Variants in LPO observed in about 807,000 individuals in gnomAD.
The protein encoded by LPO is salivary peroxidase.
In LPO, 70 loss-of-function variants were observed where a neutral mutation model predicts 68.4. The ratio of observed to expected loss-of-function variants is 1.02; its 90% CI spans 0.84 to 1.25. The LOEUF (loss-of-function observed/expected upper bound fraction) is 1.25. Ranked by LOEUF, LPO falls within the 50% of genes most tolerant of loss-of-function variation. LPO has a pLI of 0.00. For synonymous variants in LPO, 360 were observed against 357.6 expected, an observed-to-expected ratio of 1.01 and a Z score of -0.08; for missense variants, 873 against 908.4, an observed-to-expected ratio of 0.96 and a Z score of 0.50.
Position 58,253,678 on chromosome 17 carries a change from C to T in LPO, c.1106-1133C>T, listed in dbSNP as rs369538295. Among the ~76,000 whole-genome samples, 239 of 152,320 alleles carry T rather than the reference C, an allele frequency of 1.6e-3. 2 individuals are homozygous for T. The highest frequency in any genetic ancestry group is 5.5e-3 in the African/African-American group (228 of 41,562). ...CTGGCCACCCTGACATTGCAGAAGGCCAGCTCTTAGGCCAAGATACCTTTA... is the reference window on the plus strand; with the variant it reads ...CTGGCCACCCTGACATTGCAGAAGGTCAGCTCTTAGGCCAAGATACCTTTA... On this transcript the variant is annotated intron_variant, in intron 8 of 12. Transcript: ENST00000262290.
At chr17:58,244,163 G>A (rs1969812624) in intron 3 of LPO, 82 bp downstream of exon 3, 2 of 1,145,898 alleles carry the variant, frequency 1.7e-6, no homozygotes, top group African/African-American at 1.6e-5. Context: ...TTCATGACAA[G>A]CACATCTAGG....
chr17:58,242,117 G>A (rs999322752), intron 1 of LPO, among the ~76,000 whole-genome samples: 2 of 152,208 alleles, frequency 1.3e-5, no homozygotes, highest in Non-Finnish European at 2.9e-5. Flanking sequence ...CCATCTGCAC[G>A]CTGTGGCTGC....
chr17:58,252,611 G>A lies in LPO; in HGVS notation c.1105+105G>A, dbSNP rs8178344. ...ATCTTTCTGGAAAAATGCACACTGA[G>A]CCATTGCTGTCCCTAGCAGTGGTCC... On this transcript the variant is annotated intron_variant, in intron 8 of 12. Transcript: ENST00000262290. 4.3e-5 allele frequency: 49 copies of A among 1,133,596 alleles called. No homozygotes were observed. In the African/African-American group the frequency reaches 5.7e-4, roughly 13 times the overall value. The allele number at this position is 1,133,596 out of a possible 1,614,324, so 70.2% of individuals were successfully genotyped here.
chr17:58,249,493 C>T lies in LPO; in HGVS notation c.444-73C>T. The T allele has an allele frequency of 1.9e-6, 3 of 1,542,114 alleles. No individual in the cohort carries two copies. In the South Asian group the frequency reaches 3.6e-5, roughly 19 times the overall value. ...CTCCGCCTCGAGCAGAGGCTCCTTC[C>T]CCCATGGGGTCCTGGGCTTTGGAGC... On this transcript the variant is annotated intron_variant, in intron 5 of 12. Transcript: ENST00000262290.
intron 2 of LPO, 51 bp downstream of exon 2, chr17:58,243,106 C>A: frequency 2.6e-6 from 4 of 1,537,504 alleles, no homozygotes; most frequent in Non-Finnish European, 3.6e-6. Flanking sequence ...CAAAGCACAC[C>A]AACTGGATGG....
At chr17:58,247,416 A>G in intron 3 of LPO, 62 bp from the exon 4 acceptor site, 1 of 1,135,654 alleles carries the variant, frequency 8.8e-7, no homozygotes, top group Non-Finnish European at 1.3e-6. Flanking sequence ...CCACCCCTCC[A>G]GCGGCCCCCA....
At chr17:58,252,110 G>A (rs1969968509) in intron 7 of LPO, 72 bp from the exon 8 acceptor site, 5 of 1,418,264 alleles carry the variant, frequency 3.5e-6, no homozygotes, top group Non-Finnish European at 4.9e-6. Flanking sequence ...ATCCAGACTT[G>A]CCCTGGGGAG....
intron 3 of LPO, 164 bp downstream of exon 3, chr17:58,244,245 A>C (rs1969813534): frequency 1.6e-6 from 1 of 630,138 alleles, no homozygotes; most frequent in Non-Finnish European, 2.9e-6. Flanking sequence ...CTCCAAGTAC[A>C]TGACAAGTAG....
intron 4 of LPO, 72 bp from the exon 5 acceptor site, chr17:58,248,988 C>T: frequency 1.7e-6 from 2 of 1,157,124 alleles, no homozygotes; most frequent in South Asian, 2.4e-5. Flanking sequence ...CTCTGGTCTC[C>T]ATTTCCTGCC....
chr17:58,258,287 G>T (rs1328429976), intron 9 of LPO, among the ~76,000 whole-genome samples: 2 of 152,146 alleles, frequency 1.3e-5, no homozygotes, highest in Non-Finnish European at 2.9e-5. Flanking sequence ...TCTTAGATTT[G>T]TCTTTAATCC....
At chr17:58,249,439 A>G (rs1029757629) in intron 5 of LPO, 127 bp from the exon 6 acceptor site, 1 of 1,397,134 alleles carries the variant, frequency 7.2e-7, no homozygotes, top group Non-Finnish European at 9.4e-7. Flanking sequence ...AGAGACCCCA[A>G]ATTTGAGAGG....
chr17:58,254,321 G>T lies in LPO; in HGVS notation c.1106-490G>T, dbSNP rs574571955. Among the ~76,000 whole-genome samples the T allele has an allele frequency of 2.0e-5, 3 of 152,102 alleles. No individual in the cohort carries two copies. In the South Asian group the frequency reaches 6.2e-4, roughly 32 times the overall value. On this transcript the variant is annotated intron_variant, in intron 8 of 12. Transcript: ENST00000262290. ...CTCCCACTACAGACCCCCATCTCCA[G>T]ATTATTCTCCCTTTATTACCCAGAG...
intron 1 of LPO, 187 bp from the exon 2 acceptor site, chr17:58,242,791 A>G (rs539423143): frequency 1.9e-4 from 101 of 539,262 alleles, no homozygotes; most frequent in Middle Eastern, 3.3e-4. Flanking sequence ...TCCTCTTTCC[A>G]TCTCTCCCAG....
chr17:58,244,299 C>T (rs1052476258), intron 3 of LPO: 3 of 570,142 alleles, frequency 5.3e-6, no homozygotes, highest in Non-Finnish European at 3.1e-6. Context: ...CTGTACATCA[C>T]CTGAAAGAGG....
intron 10 of LPO, among the ~76,000 whole-genome samples, chr17:58,265,405 C>T (rs1300645147): frequency 6.6e-6 from 1 of 152,074 alleles, no homozygotes; most frequent in African/African-American, 2.4e-5. Context: ...TTGGACCCAA[C>T]TTTCCTTTAT....
chr17:58,265,739 T>C (rs1238810297), intron 10 of LPO, among the ~76,000 whole-genome samples: 1 of 151,686 alleles, frequency 6.6e-6, no homozygotes, highest in Non-Finnish European at 1.5e-5. Context: ...CACACCCCCA[T>C]ACCTGGCTAA....
chr17:58,252,574 C>T, intron 8 of LPO, 68 bp downstream of exon 8: 2 of 1,450,974 alleles, frequency 1.4e-6, no homozygotes, highest in Non-Finnish European at 1.9e-6. Flanking sequence ...TTACCACTGC[C>T]CCCTTCTTGT....
chr17:58,259,527 C>G (rs1386946374), intron 9 of LPO, among the ~76,000 whole-genome samples: 1 of 152,258 alleles, frequency 6.6e-6, no homozygotes, highest in Admixed American at 6.5e-5. Flanking sequence ...CTTTATTCTT[C>G]TTTTTCAAAA....
chr17:58,242,826 G>A (rs115760979), intron 1 of LPO, 152 bp from the exon 2 acceptor site: 1 of 643,946 alleles, frequency 1.6e-6, no homozygotes. Flanking sequence ...CTGTGTGTAT[G>A]GTAGATGCTT....
Sources: allele counts gnomAD v4.1 joint callset (sites outside exome capture counted in the v4.1 genomes callset), GRCh38; gene constraint gnomAD v4.1.1; transcripts MANE v1.5; gene names NCBI Gene and HGNC (gene_info 2026-07-23, HGNC 2026-07-21).